CDH12: variants seen among roughly 807,000 people sequenced by gnomAD.
The protein encoded by CDH12 is cadherin 12.
A neutral mutation model predicts 74.1 loss-of-function variants in CDH12; 41 were observed. The observed-to-expected ratio is 0.55, with a 90% CI of 0.43 to 0.72. CDH12 has a LOEUF of 0.72. Ranked by LOEUF, CDH12 falls within the 30% of genes least tolerant of loss-of-function variation. The pLI, the probability that CDH12 is intolerant of heterozygous loss-of-function variation, is 0.00. For missense variants in CDH12, 945 were observed against 977.2 expected, an observed-to-expected ratio of 0.97 and a Z score of 0.44; for synonymous variants, 399 against 355.0, an observed-to-expected ratio of 1.12 and a Z score of -1.39.
At chr5:21,890,023 A>G (rs1752825880) in intron 6 of CDH12, among the ~76,000 whole-genome samples, 2 of 152,134 alleles carry the variant, frequency 1.3e-5, no homozygotes, top group Admixed American at 6.6e-5. Context: ...GGTTCATTCT[A>G]TGTTTCGGGA....
chr5:22,180,568 A>C (rs528928594), intron 4 of CDH12, among the ~76,000 whole-genome samples: 55 of 151,428 alleles, frequency 3.6e-4, no homozygotes, highest in African/African-American at 1.2e-3. Context: ...GCTGGAGTGC[A>C]GTGGGGCGAT....
intron 5 of CDH12, among the ~76,000 whole-genome samples, chr5:21,999,373 T>TA (rs1736474494): frequency 6.6e-6 from 1 of 152,176 alleles, no homozygotes; most frequent in African/African-American, 2.4e-5. Context: ...AATGTGGGTC[T>TA]AAAAGCAAAT....
chr5:22,281,992 AACCAAAACTGCATGATACTGGT>A (rs59282481), intron 3 of CDH12, among the ~76,000 whole-genome samples: 147,228 of 151,084 alleles, frequency 0.97, 71,855 homozygotes, highest in East Asian at 1. Flanking sequence ...AAGCTACAGT[AACCAAAACTGCATGATACTGGT>A]ACCAAAACTG....
intron 1 of CDH12, among the ~76,000 whole-genome samples, chr5:22,690,713 C>A (rs1469952811): frequency 6.6e-6 from 1 of 152,274 alleles, no homozygotes; most frequent in East Asian, 1.9e-4. Context: ...GCACAAATCA[C>A]TTAGTCCCTC....
intron 6 of CDH12, among the ~76,000 whole-genome samples, chr5:21,922,809 T>C (rs78289358): frequency 0.013 from 2,012 of 152,204 alleles, 51 homozygotes; most frequent in African/African-American, 0.046. Context: ...CAGGATAATA[T>C]TACCTTTCTC....
At chr5:21,779,450 T>C (rs1311425487) in intron 11 of CDH12, 1 of 152,186 alleles carries the variant, frequency 6.6e-6, no homozygotes, top group African/African-American at 2.4e-5. Context: ...ATAATTTGAA[T>C]GAAGTAAAGT....
intron 1 of CDH12, among the ~76,000 whole-genome samples, chr5:22,611,930 T>G (rs975321300): frequency 6.6e-6 from 1 of 152,184 alleles, no homozygotes; most frequent in South Asian, 2.1e-4. Context: ...TCCTCTAATT[T>G]GCTTTCCAAT....
intron 3 of CDH12, among the ~76,000 whole-genome samples, chr5:22,240,616 C>T (rs1052546398): frequency 3.9e-5 from 6 of 152,168 alleles, no homozygotes; most frequent in Non-Finnish European, 7.4e-5. Flanking sequence ...TCACTGCAAC[C>T]TCTGCCTCCC....
In CDH12 at chr5:22,059,315, ATCCATCTATCG is replaced by A. The variant is rs1245811262; in HGVS notation, c.231+19120_231+19130del. Among the ~76,000 whole-genome samples the A allele has an allele frequency of 1.2e-3, 185 of 150,648 alleles. 1 individual carries two copies. Among genetic ancestry groups the A allele is most frequent in the African/African-American group, 4.0e-3 (162 of 40,642 alleles). ...TCTATCATCTATCTATCTATCATCT[ATCCATCTATCG>A]TCTATCTATCATCTATCTATCTATC... On this transcript the variant is annotated intron_variant, in intron 5 of 14. Coordinates refer to ENST00000382254, the MANE Select transcript of CDH12 (RefSeq NM_004061.5).
At chr5:22,269,255 C>A (rs893840424) in intron 3 of CDH12, among the ~76,000 whole-genome samples, 2 of 152,146 alleles carry the variant, frequency 1.3e-5, no homozygotes, top group Admixed American at 6.5e-5. Flanking sequence ...AAAATTAGTA[C>A]ATGGAACCAT....
At chr5:22,652,099 G>T (rs1307150059) in intron 1 of CDH12, among the ~76,000 whole-genome samples, 3 of 152,126 alleles carry the variant, frequency 2.0e-5, no homozygotes, top group African/African-American at 7.2e-5. Context: ...AATGGAAAAA[G>T]ATTAAAATGT....
At chr5:21,869,034 T>C (rs187434098) in intron 6 of CDH12, among the ~76,000 whole-genome samples, 1 of 152,274 alleles carries the variant, frequency 6.6e-6, no homozygotes, top group Admixed American at 6.5e-5. Flanking sequence ...GCTTCCACCA[T>C]GACACATAAC....
intron 1 of CDH12, among the ~76,000 whole-genome samples, chr5:22,696,144 G>A (rs908052884): frequency 3.3e-5 from 5 of 151,928 alleles, no homozygotes; most frequent in South Asian, 2.1e-4. Flanking sequence ...TGAGGCAGGC[G>A]GATTGCAAGG....
chr5:21,977,920 G>C (rs1442347298), intron 5 of CDH12, among the ~76,000 whole-genome samples: 1 of 151,806 alleles, frequency 6.6e-6, no homozygotes, highest in Non-Finnish European at 1.5e-5. Flanking sequence ...AGTGATCTGC[G>C]TTGACAGGTA....
In CDH12 at chr5:22,211,773, G is replaced by T. The variant is rs188860604; in HGVS notation, c.-187+725C>A. On this transcript the variant is annotated intron_variant, in intron 4 of 14. Transcript: ENST00000382254. Reference sequence around the variant, plus strand: ...TAAAAATGAAATAAAACATAAAAAAGATTTTTTTACAAACACGTAATCTCT... The same window carrying T: ...TAAAAATGAAATAAAACATAAAAAATATTTTTTTACAAACACGTAATCTCT... Among the ~76,000 whole-genome samples the T allele has an allele frequency of 1.4e-3, 207 of 150,512 alleles. 2 individuals carry two copies. The highest frequency in any genetic ancestry group is 4.7e-3 in the African/African-American group (195 of 41,156).
chr5:22,191,091 T>C (rs1750245226), intron 4 of CDH12, among the ~76,000 whole-genome samples: 1 of 152,214 alleles, frequency 6.6e-6, no homozygotes, highest in African/African-American at 2.4e-5. Context: ...CTCTGCATTT[T>C]AGCTGCTGTA....
At chr5:22,603,840 C>G (rs269878) in intron 1 of CDH12, among the ~76,000 whole-genome samples, 3 of 151,858 alleles carry the variant, frequency 2.0e-5, no homozygotes, top group Admixed American at 2.0e-4. Flanking sequence ...TTTTAAGGAG[C>G]TTTCCTGTAA....
chr5:22,573,436 T>TA (rs199573158), intron 1 of CDH12, among the ~76,000 whole-genome samples: 15 of 152,128 alleles, frequency 9.9e-5, no homozygotes, highest in African/African-American at 3.1e-4. Flanking sequence ...AATATGTATA[T>TA]AAAAAATATT....
chr5:21,758,623 T>C (rs1049484757), intron 13 of CDH12, among the ~76,000 whole-genome samples: 24 of 152,314 alleles, frequency 1.6e-4, no homozygotes, highest in South Asian at 2.1e-4. Context: ...GAGATACTGA[T>C]TGATACTCAA....
Sources: allele counts gnomAD v4.1 joint callset (sites outside exome capture counted in the v4.1 genomes callset), GRCh38; gene constraint gnomAD v4.1.1; transcripts MANE v1.5; gene names NCBI Gene and HGNC (gene_info 2026-07-23, HGNC 2026-07-21).